The following TPSG1 variants were observed in gnomAD, a reference collection of about 807,000 sequenced individuals.
The protein encoded by TPSG1 is tryptase gamma 1, also known as tryptase gamma.
A neutral mutation model predicts 23.8 loss-of-function variants in TPSG1; 43 were observed. That is an observed-to-expected ratio of 1.81 (90% CI 1.42 to 2.33). The LOEUF is 2.33. TPSG1 is among the 30% of genes most tolerant of loss of function. TPSG1 has a pLI of 0.00. For synonymous variants in TPSG1, 302 were observed against 201.3 expected, an observed-to-expected ratio of 1.50 and a Z score of -4.23; for missense variants, 623 against 438.6, an observed-to-expected ratio of 1.42 and a Z score of -3.75.
At chr16:1,225,043 C>T (rs1385607065) in intron 1 of TPSG1, among the ~76,000 whole-genome samples, 164 bp downstream of exon 1, 3 of 152,156 alleles carry the variant, frequency 2.0e-5, no homozygotes, top group African/African-American at 7.2e-5. Flanking sequence ...GACAGCTGGG[C>T]CTCCAGCCAG....
At position 1,222,698 on chromosome 16, in the gene TPSG1, A is replaced by G. The variant is rs1970554733; in HGVS notation, c.465T>C (p.Pro155=). The change falls in exon 4 of 6, where the codon CCT becomes CCC. Residue 155 remains proline (P), a synonymous_variant. Coordinates refer to ENST00000234798, the MANE Select transcript of TPSG1 (RefSeq NM_012467.4). ...CLPEASDDFC[P]GIRCWVTGWG... ...AGCCGGTCACCCAGCACCGGATCCC[A>G]GGGCAGAAGTCATCTGAGGCCTCCG... The G allele has an allele frequency of 6.3e-7, 1 of 1,594,632 alleles. No homozygotes were observed. Among genetic ancestry groups the G allele is most frequent in the Admixed American group, 1.7e-5 (1 of 59,508 alleles).
intron 3 of TPSG1, 121 bp from the exon 4 acceptor site, chr16:1,223,038 G>A: frequency 1.6e-6 from 2 of 1,280,884 alleles, no homozygotes; most frequent in Non-Finnish European, 1.0e-6. Context: ...CTAGGCTTGG[G>A]ACGCAGAAAG....
chr16:1,225,130 C>T lies in TPSG1; in HGVS notation c.46+77G>A, dbSNP rs2030077946. 5 of 1,515,472 alleles carry T rather than the reference C, an allele frequency of 3.3e-6. No individual in the cohort carries two copies. In the South Asian group the frequency reaches 4.9e-5, roughly 15 times the overall value. The allele number at this position is 1,515,472 out of a possible 1,614,324, so 93.9% of individuals were successfully genotyped here. ...CATGTTTCTCCGTCTCAGACCAGCC[C>T]CCAGTTTCACCCCCATCAGGGGTCC... On this transcript the variant is annotated intron_variant, in intron 1 of 5. Coordinates refer to ENST00000234798, the MANE Select transcript of TPSG1 (RefSeq NM_012467.4).
At chr16:1,224,697 C>A (rs1596488193) in intron 1 of TPSG1, 69 bp from the exon 2 acceptor site, 1 of 1,605,142 alleles carries the variant, frequency 6.2e-7, no homozygotes, top group African/African-American at 1.3e-5. Flanking sequence ...GCTCCAGAGG[C>A]CCCTGCCAGG....
At chr16:1,224,456 C>T (rs1257447852) in intron 2 of TPSG1, 146 bp downstream of exon 2, 10 of 1,029,174 alleles carry the variant, frequency 9.7e-6, no homozygotes, top group Admixed American at 4.2e-5. Context: ...CCCACTCAAC[C>T]GAGAGATGCG....
In TPSG1 at chr16:1,225,192, G is replaced by A. The variant is rs2030084183; in HGVS notation, c.46+15C>T. 6.4e-7 allele frequency: 1 copy of A among 1,570,274 alleles called. No individual in the cohort carries two copies. The highest frequency in any genetic ancestry group is 1.3e-5 in the African/African-American group (1 of 74,100). On this transcript the variant is annotated intron_variant, in intron 1 of 5. Transcript: ENST00000234798. ...AGATGCCCCCCCATCCCCACACCCAGGCCAGGTCACCCACCGGGCACAGCC... is the reference window on the plus strand; with the variant it reads ...AGATGCCCCCCCATCCCCACACCCAAGCCAGGTCACCCACCGGGCACAGCC...
chr16:1,222,255 C>G lies in TPSG1; in HGVS notation c.598G>C (p.Gly200Arg). 1 of 1,612,110 alleles carries G rather than the reference C, an allele frequency of 6.2e-7. No individual in the cohort carries two copies. Among genetic ancestry groups the G allele is most frequent in the Non-Finnish European group, 8.5e-7 (1 of 1,179,762 alleles). ...ETCRRDYPGPGGSILQPDMLC... is the reference protein window; with the variant it reads ...ETCRRDYPGPRGSILQPDMLC... ...ATGTCGGGCTGAAGGATGCTGCCCC[C>G]GGGGCCGGGATAGTCCCGGCGGCAG... Residue 200 changes from glycine (G) to arginine (R), a missense_variant, in exon 5 of 6, where the codon GGG becomes CGG. Transcript: ENST00000234798.
intron 2 of TPSG1, 31 bp from the exon 3 acceptor site, chr16:1,223,625 G>A (rs2029975361): frequency 2.0e-6 from 3 of 1,526,246 alleles, no homozygotes; most frequent in African/African-American, 1.4e-5. Flanking sequence ...GTGCCTGGTG[G>A]GGATCCCAAG....
intron 2 of TPSG1, 150 bp from the exon 3 acceptor site, chr16:1,223,744 G>T (rs920782593): frequency 2.1e-6 from 2 of 939,492 alleles, no homozygotes; most frequent in Non-Finnish European, 3.1e-6. Flanking sequence ...CAGAAGCATC[G>T]TGGGTGCAGC....
At chr16:1,223,617 G>T (rs1044611649) in intron 2 of TPSG1, 23 bp from the exon 3 acceptor site, 11 of 1,527,984 alleles carry the variant, frequency 7.2e-6, no homozygotes, top group African/African-American at 1.4e-5. Flanking sequence ...AGGAAGGGGT[G>T]CCTGGTGGGG....
At chr16:1,223,837 G>T (rs1242174064) in intron 2 of TPSG1, 5 of 526,664 alleles carry the variant, frequency 9.5e-6, no homozygotes, top group Non-Finnish European at 1.6e-5. Flanking sequence ...ACTAACCAGG[G>T]CTCCCGGAGG....
intron 1 of TPSG1, chr16:1,224,879 C>G: frequency 1.7e-6 from 1 of 601,634 alleles, no homozygotes; most frequent in Non-Finnish European, 3.0e-6. Flanking sequence ...TCCCCGCCCT[C>G]CAGGTCCTGC....
intron 1 of TPSG1, among the ~76,000 whole-genome samples, chr16:1,224,961 C>G (rs2030068371): frequency 6.6e-6 from 1 of 151,396 alleles, no homozygotes; most frequent in Non-Finnish European, 1.5e-5. Flanking sequence ...GCACCCCCAA[C>G]TACCACCCGC....
chr16:1,221,784 GC>G lies in TPSG1; in HGVS notation c.*3del. On this transcript the variant is annotated 3_prime_UTR_variant, in exon 6 of 6. Transcript: ENST00000234798. The stretch of plus-strand genomic sequence containing the variant: ...ATTTAAGAAATGCACTTGGATTCCT[GC>G]CATCAGTCAGGGGCGGGGAAGGGAG... The G allele has an allele frequency of 6.3e-7, 1 of 1,594,244 alleles. No homozygotes were observed. The highest frequency in any genetic ancestry group is 8.6e-7 in the Non-Finnish European group (1 of 1,168,730).
rs111606255 is a variant in TPSG1 at position 1,221,819 on chromosome 16, G to A, written c.935C>T (p.Ala312Val). The A allele has an allele frequency of 1.2e-4, 200 of 1,609,952 alleles. No individual in the cohort carries two copies. Among genetic ancestry groups the A allele is most frequent in the African/African-American group, 4.7e-4 (35 of 75,000 alleles). Residue 312 changes from alanine to valine, a missense_variant, in exon 6 of 6, where the codon GCG (alanine) becomes GTG (valine). Physicochemically the swap from Ala to Val is moderately conservative, Grantham distance 64. Coordinates refer to ENST00000234798, the MANE Select transcript of TPSG1 (RefSeq NM_012467.4). ...AGGGGCGGGGAAGGGAGTACCATCC[G>A]CAGATGGGTGCAGCAGGCACTTGGC... Reference protein sequence around the residue: ...LLAKCLLHPSADGTPFPAPD With the variant: ...LLAKCLLHPSVDGTPFPAPD
At chr16:1,222,470 G>T in intron 4 of TPSG1, 129 bp from the exon 5 acceptor site, 1 of 1,248,042 alleles carries the variant, frequency 8.0e-7, no homozygotes, top group Non-Finnish European at 1.1e-6. Flanking sequence ...GTTGTGATCT[G>T]ACGTTTGGCT....
intron 2 of TPSG1, 177 bp from the exon 3 acceptor site, chr16:1,223,771 G>A (rs2029990246): frequency 2.8e-6 from 2 of 715,194 alleles, no homozygotes; most frequent in South Asian, 4.0e-5. Context: ...GACGTCTCAG[G>A]AGCAGTGAGC....
Position 1,225,267 on chromosome 16 carries a change from G to A in TPSG1, c.-15C>T. The A allele has an allele frequency of 6.4e-7, 1 of 1,559,348 alleles. No individual in the cohort carries two copies. The highest frequency in any genetic ancestry group is 8.7e-7 in the Non-Finnish European group (1 of 1,152,090). On this transcript the variant is annotated 5_prime_UTR_variant, in exon 1 of 6. Transcript: ENST00000234798. ...CCAAGGGCCATGGTGTCTGCCCACTGTAGGGAGAAGGAGGGCCAGCCTGAC... is the reference window on the plus strand; with the variant it reads ...CCAAGGGCCATGGTGTCTGCCCACTATAGGGAGAAGGAGGGCCAGCCTGAC...
chr16:1,224,874 GCCCTCCAGGT>G, intron 1 of TPSG1: 1 of 602,704 alleles, frequency 1.7e-6, no homozygotes, highest in South Asian at 2.0e-5. Context: ...CCTCCTCCCC[GCCCTCCAGGT>G]CCTGCTCAGG....
Sources: gnomAD v4.1 joint callset for allele counts (sites outside exome capture counted in the v4.1 genomes callset) on GRCh38, gnomAD v4.1.1 for gene constraint, MANE v1.5 for transcripts, NCBI Gene and HGNC (gene_info 2026-07-23, HGNC 2026-07-21) for gene names.